FIG4: variants seen among roughly 807,000 people sequenced by gnomAD.
FIG4 encodes polyphosphoinositide phosphatase.
In FIG4, 112 loss-of-function variants were observed where a neutral mutation model predicts 118.6. That is an observed-to-expected ratio of 0.94 (90% CI 0.81 to 1.11). The LOEUF (loss-of-function observed/expected upper bound fraction) is 1.11, where lower values mean the gene tolerates loss of function less well. FIG4 is among the 50% of genes least tolerant of loss of function. The pLI is 0.00. For missense variants in FIG4, 969 were observed against 1,111.7 expected (o/e 0.87, Z 1.83); for synonymous variants, 369 against 381.2 (o/e 0.97, Z 0.37).
At position 109,796,546 on chromosome 6, in the gene FIG4, A is replaced by G. The variant is rs142425626; in HGVS notation, c.2460-219A>G. Among the ~76,000 whole-genome samples, 5 of 152,348 alleles carry G rather than the reference A, an allele frequency of 3.3e-5. No homozygotes were observed. The East Asian group carries it at 9.6e-4, about 29-fold the overall frequency. ...CACATTTGATTTCATTCTTTTATCC[A>G]TGGTTATGACTTACATTTTAAGTAG... On this transcript the variant is annotated intron_variant, in intron 21 of 22. Coordinates refer to ENST00000230124, the MANE Select transcript of FIG4 (RefSeq NM_014845.6).
chr6:109,786,109 A>G, intron 17 of FIG4, 193 bp from the exon 18 acceptor site: 1 of 591,170 alleles, frequency 1.7e-6, no homozygotes, highest in Non-Finnish European at 3.0e-6. Flanking sequence ...TCAGCTTTGC[A>G]TTGTATTTTC....
intron 22 of FIG4, among the ~76,000 whole-genome samples, chr6:109,812,369 C>T (rs767102059): frequency 4.6e-5 from 7 of 152,134 alleles, no homozygotes; most frequent in Non-Finnish European, 8.8e-5. Flanking sequence ...GGCCAGATCT[C>T]AGGGAACCTC....
chr6:109,713,673 C>T (rs540294059), intron 1 of FIG4, among the ~76,000 whole-genome samples: 9 of 152,160 alleles, frequency 5.9e-5, no homozygotes, highest in Admixed American at 1.3e-4. Flanking sequence ...AACCCACCTG[C>T]GCACACACAT....
chr6:109,761,932 C>G (rs1279107336), intron 11 of FIG4, among the ~76,000 whole-genome samples, 159 bp from the exon 12 acceptor site: 1 of 152,148 alleles, frequency 6.6e-6, no homozygotes, highest in Non-Finnish European at 1.5e-5. Flanking sequence ...ACATTATATT[C>G]TAGACATTGT....
rs1192991922 is a variant in FIG4 at position 109,766,912 on chromosome 6, A to G, written c.1750+17A>G. The G allele has an allele frequency of 6.2e-7, 1 of 1,609,136 alleles. No homozygotes were observed. On this transcript the variant is annotated intron_variant, in intron 15 of 22. Transcript: ENST00000230124. The stretch of plus-strand genomic sequence containing the variant: ...CTTTTTCAGGTAATTCTGAAGTAAT[A>G]GCTATTTTTAAGACTTACTCTGAAG...
chr6:109,744,050 G>T (rs1400568695), intron 10 of FIG4, among the ~76,000 whole-genome samples: 2 of 152,096 alleles, frequency 1.3e-5, no homozygotes, highest in Non-Finnish European at 2.9e-5. Context: ...TGATTTCCTT[G>T]TGTGAATTAG....
chr6:109,716,812 C>T (rs1231701208), intron 3 of FIG4, among the ~76,000 whole-genome samples: 1 of 152,116 alleles, frequency 6.6e-6, no homozygotes, highest in Non-Finnish European at 1.5e-5. Context: ...TGTTTTTGGC[C>T]TTTGAGGAGG....
At chr6:109,823,209 C>T (rs1190569561) in intron 22 of FIG4, among the ~76,000 whole-genome samples, 1 of 152,110 alleles carries the variant, frequency 6.6e-6, no homozygotes, top group African/African-American at 2.4e-5. Context: ...GAAGACAGAT[C>T]AGTGTTTGAG....
At chr6:109,735,791 A>G (rs966810168) in intron 6 of FIG4, among the ~76,000 whole-genome samples, 2 of 152,090 alleles carry the variant, frequency 1.3e-5, no homozygotes, top group Non-Finnish European at 2.9e-5. Context: ...TTATAGAATT[A>G]AAGACTAAGT....
chr6:109,734,262 C>T (rs952437375), intron 5 of FIG4, among the ~76,000 whole-genome samples: 4 of 151,154 alleles, frequency 2.6e-5, no homozygotes, highest in African/African-American at 9.7e-5. Context: ...TTCAAAATAC[C>T]TTCTGAAATT....
intron 14 of FIG4, among the ~76,000 whole-genome samples, 184 bp downstream of exon 14, chr6:109,765,345 CTTATG>C (rs1254035854): frequency 6.6e-6 from 1 of 151,974 alleles, no homozygotes; most frequent in Admixed American, 6.5e-5. Context: ...AGTTTTTGGT[CTTATG>C]TTTAAGTCTT....
chr6:109,761,391 G>GT (rs983774104), intron 11 of FIG4, among the ~76,000 whole-genome samples: 1 of 151,508 alleles, frequency 6.6e-6, no homozygotes, highest in African/African-American at 2.4e-5. Context: ...TTTTGTTTCT[G>GT]TTTTTGTTTT....
rs1777937750 is a variant in FIG4 at position 109,785,853 on chromosome 6, T to A, written c.1949-449T>A. ...TTGTAACTTGAAATTCTGGGCAAAATCATTACTCATATTGCTGAAAAGGTT... is the reference window on the plus strand; with the variant it reads ...TTGTAACTTGAAATTCTGGGCAAAAACATTACTCATATTGCTGAAAAGGTT... On this transcript the variant is annotated intron_variant, in intron 17 of 22. Coordinates refer to ENST00000230124, the MANE Select transcript of FIG4 (RefSeq NM_014845.6). The A allele has an allele frequency of 1.1e-5, 4 of 375,080 alleles. No individual in the cohort carries two copies. The Admixed American group carries it at 1.2e-4, about 11-fold the overall frequency. The allele number at this position is 375,080 out of a possible 1,614,324, so 23.2% of individuals were successfully genotyped here. A position where few individuals can be genotyped will look rare whatever the true frequency, so the allele number is the denominator to read the frequency against.
chr6:109,723,023 A>T (rs1775658774), intron 3 of FIG4, among the ~76,000 whole-genome samples: 1 of 152,192 alleles, frequency 6.6e-6, no homozygotes, highest in South Asian at 2.1e-4. Flanking sequence ...GCAGTGTGGA[A>T]GGGGAGCAGG....
chr6:109,795,830 T>A (rs1034054895), intron 21 of FIG4, among the ~76,000 whole-genome samples: 3 of 152,136 alleles, frequency 2.0e-5, no homozygotes, highest in Non-Finnish European at 4.4e-5. Flanking sequence ...CTCGATCTCC[T>A]GACCTCATGA....
chr6:109,765,122 T>C lies in FIG4; in HGVS notation c.1544T>C (p.Ile515Thr), dbSNP rs370249754. 20 of 1,613,994 alleles carry C rather than the reference T, an allele frequency of 1.2e-5. No individual in the cohort carries two copies. The highest frequency in any genetic ancestry group is 9.3e-5 in the African/African-American group (7 of 74,942). The change falls in exon 14 of 23, where the codon ATT (isoleucine) becomes ACT (threonine). Residue 515 changes from isoleucine to threonine, a missense_variant. Ile to Thr is a moderately conservative substitution (Grantham distance 89). Around this residue, in one of 3 missense-constraint regions of FIG4, gnomAD observed 246 missense variants for 354.3 expected, o/e 0.69. Transcript: ENST00000230124. ...LAYQLYSLGLIDKPNLQFDTD... is the reference protein window; with the variant it reads ...LAYQLYSLGLTDKPNLQFDTD... ...TATCAGCTGTATTCACTGGGACTGA[T>C]TGACAAACCTAATCTACAGTTTGAT...
chr6:109,737,746 G>C (rs1272822312), intron 6 of FIG4, among the ~76,000 whole-genome samples: 1 of 152,124 alleles, frequency 6.6e-6, no homozygotes, highest in Admixed American at 6.6e-5. Flanking sequence ...ATAGAGAAAA[G>C]GCCTGACATC....
At chr6:109,794,298 A>T (rs906226027) in intron 21 of FIG4, among the ~76,000 whole-genome samples, 1 of 152,194 alleles carries the variant, frequency 6.6e-6, no homozygotes, top group Non-Finnish European at 1.5e-5. Flanking sequence ...TCCAGGAGTC[A>T]TATCCTGTGT....
At chr6:109,815,299 C>G (rs1778829771) in intron 22 of FIG4, among the ~76,000 whole-genome samples, 1 of 152,044 alleles carries the variant, frequency 6.6e-6, no homozygotes, top group South Asian at 2.1e-4. Flanking sequence ...CCCTCTTCCT[C>G]TCCTTGGGCT....
Sources: allele counts gnomAD v4.1 joint callset (sites outside exome capture counted in the v4.1 genomes callset), GRCh38; gene constraint gnomAD v4.1.1; regional missense constraint gnomAD v4.1.1; transcripts MANE v1.5; gene names NCBI Gene and HGNC (gene_info 2026-07-23, HGNC 2026-07-21).